SH3BP5: variants seen among roughly 807,000 people sequenced by gnomAD.
SH3BP5 encodes SH3 domain binding protein 5, also known as SH3 domain-binding protein 5.
Under a neutral mutation model 43.3 loss-of-function variants are expected in SH3BP5, and 22 were observed. That is an observed-to-expected ratio of 0.51 (90% CI 0.36 to 0.73). The LOEUF (loss-of-function observed/expected upper bound fraction) is 0.73. Among genes scored for constraint, SH3BP5 ranks in the 30% least tolerant of loss-of-function variants. The pLI is 0.00. For missense variants in SH3BP5, 529 were observed against 586.9 expected (o/e 0.90, Z 1.02); for synonymous variants, 255 against 225.8 (o/e 1.13, Z -1.16).
intron 3 of SH3BP5, among the ~76,000 whole-genome samples, chr3:15,291,404 A>G (rs1246595710): frequency 1.3e-5 from 2 of 152,200 alleles, no homozygotes; most frequent in Non-Finnish European, 2.9e-5. Context: ...TGCCAGATTT[A>G]GCAAATAAAA....
intron 3 of SH3BP5, among the ~76,000 whole-genome samples, chr3:15,291,316 C>T (rs73027506): frequency 0.13 from 20,262 of 152,044 alleles, 1,709 homozygotes; most frequent in East Asian, 0.23. Flanking sequence ...ATTCAGGAAC[C>T]CCAAGACAGG....
chr3:15,309,963 G>A (rs545222605), intron 2 of SH3BP5, among the ~76,000 whole-genome samples: 94 of 138,572 alleles, frequency 6.8e-4, no homozygotes, highest in African/African-American at 2.4e-3. Context: ...GAGGATCACA[G>A]CTACTTGGGT....
In SH3BP5 at chr3:15,269,384, G is replaced by C. The variant is rs530448112; in HGVS notation, c.495+329C>G. Among the ~76,000 whole-genome samples, 117 of 152,262 alleles carry C rather than the reference G, an allele frequency of 7.7e-4. 1 individual carries two copies. The highest frequency in any genetic ancestry group is 2.6e-4 in the Non-Finnish European group (18 of 68,022). On this transcript the variant is annotated intron_variant, in intron 4 of 8. Coordinates refer to ENST00000383791, the MANE Select transcript of SH3BP5 (RefSeq NM_004844.5). ...ATTCGAAACCCAGCCAGTATTGCTG[G>C]GGTTCCATGGGAGCAAACCCTGGAA...
chr3:15,298,055 C>A (rs986782777), intron 3 of SH3BP5, among the ~76,000 whole-genome samples: 1 of 151,176 alleles, frequency 6.6e-6, no homozygotes, highest in African/African-American at 2.4e-5. Flanking sequence ...TAACTCACTG[C>A]ACTCTGGAAC....
At chr3:15,301,443 C>A (rs1042272319) in intron 3 of SH3BP5, among the ~76,000 whole-genome samples, 1 of 152,120 alleles carries the variant, frequency 6.6e-6, no homozygotes, top group African/African-American at 2.4e-5. Flanking sequence ...AGGAGCCAAA[C>A]GAATGAAACT....
chr3:15,272,842 T>G (rs1031574319), intron 3 of SH3BP5, among the ~76,000 whole-genome samples: 1 of 152,188 alleles, frequency 6.6e-6, no homozygotes, highest in African/African-American at 2.4e-5. Flanking sequence ...GGACTCACCA[T>G]GTGGCCCTGG....
intron 2 of SH3BP5, among the ~76,000 whole-genome samples, chr3:15,323,750 C>T (rs1176512727): frequency 6.6e-6 from 1 of 152,166 alleles, no homozygotes; most frequent in Non-Finnish European, 1.5e-5. Context: ...GAGACACAAT[C>T]CCATTTTAAA....
chr3:15,256,002 C>CACA lies in SH3BP5; in HGVS notation c.*83_*84insTGT. The CACA allele has an allele frequency of 9.0e-7, 1 of 1,105,530 alleles. No individual in the cohort carries two copies. The highest frequency in any genetic ancestry group is 2.0e-5 in the Admixed American group (1 of 50,678). The allele number at this position is 1,105,530 out of a possible 1,614,324, so 68.5% of individuals were successfully genotyped here. On this transcript the variant is annotated 3_prime_UTR_variant, in exon 9 of 9. Coordinates refer to ENST00000383791, the MANE Select transcript of SH3BP5 (RefSeq NM_004844.5). ...TTTAGAGTAGACGTGTAAGATTTGG[C>CACA]ATATATTAAATGATTATTGGCACAA... is the stretch of plus-strand genomic sequence containing the variant.
chr3:15,255,962 A>ACTT lies in SH3BP5; in HGVS notation c.*121_*123dup. On this transcript the variant is annotated 3_prime_UTR_variant, in exon 9 of 9. Coordinates refer to ENST00000383791, the MANE Select transcript of SH3BP5 (RefSeq NM_004844.5). ...ATCTTTAGCCCTCAAGGTCACTGAAACTTCATTAGAGCAGTTTAGAGTAGA... is the reference window on the plus strand; with the variant it reads ...ATCTTTAGCCCTCAAGGTCACTGAAACTTCTTCATTAGAGCAGTTTAGAGTAGA... 1.2e-6 allele frequency: 1 copy of ACTT among 845,752 alleles called. No individual in the cohort carries two copies. Among genetic ancestry groups the ACTT allele is most frequent in the Non-Finnish European group, 1.9e-6 (1 of 529,518 alleles). 52.4% of individuals were successfully genotyped at this position (845,752 alleles called of 1,614,324 possible).
intron 3 of SH3BP5, among the ~76,000 whole-genome samples, chr3:15,292,951 G>GGCA (rs1697455534): frequency 6.6e-6 from 1 of 152,306 alleles, no homozygotes; most frequent in East Asian, 1.9e-4. Context: ...CAACCCTTCT[G>GGCA]GCAGAAGCCC....
chr3:15,320,605 A>AACACACACAC (rs376414934), intron 2 of SH3BP5, among the ~76,000 whole-genome samples: 7,195 of 126,884 alleles, frequency 0.057, 306 homozygotes, highest in African/African-American at 0.11. Context: ...ATCCAGCCAA[A>AACACACACAC]ACACACACAC....
At chr3:15,314,985 G>A (rs1475445417) in intron 2 of SH3BP5, among the ~76,000 whole-genome samples, 1 of 152,134 alleles carries the variant, frequency 6.6e-6, no homozygotes, top group African/African-American at 2.4e-5. Context: ...AGAGGAGGGA[G>A]AGACAGACAA....
chr3:15,257,232 G>T, intron 7 of SH3BP5, 119 bp from the exon 8 acceptor site: 1 of 1,036,648 alleles, frequency 9.6e-7, no homozygotes, highest in South Asian at 1.6e-5. Flanking sequence ...CTACCTCTGT[G>T]AGTGCCTAAT....
At chr3:15,333,373 G>T, upstream of SH3BP5, 1 of 551,498 alleles carries the variant, frequency 1.8e-6, no homozygotes, top group Non-Finnish European at 2.3e-6. Flanking sequence ...GGCTGCTCAC[G>T]TCTCCTTGCC....
rs187178327 is a variant in SH3BP5 at position 15,255,426 on chromosome 3, A to C, written c.*660T>G. On this transcript the variant is annotated 3_prime_UTR_variant, in exon 9 of 9. Coordinates refer to ENST00000383791, the MANE Select transcript of SH3BP5 (RefSeq NM_004844.5). ...GTCCCTCCTACCCTCATCCCCCCGC[A>C]TCCCCACTGGCATTCACCTTTCCCA... The C allele has an allele frequency of 6.6e-6, 1 of 152,310 alleles. No homozygotes were observed. The highest frequency in any genetic ancestry group is 1.5e-5 in the Non-Finnish European group (1 of 68,008). The allele number at this position is 152,310 out of a possible 1,614,324, so 9.4% of individuals were successfully genotyped here.
intron 2 of SH3BP5, among the ~76,000 whole-genome samples, chr3:15,330,102 C>T (rs1455625253): frequency 1.3e-5 from 2 of 152,252 alleles, no homozygotes; most frequent in Admixed American, 6.5e-5. Flanking sequence ...TCAGAGGAAA[C>T]AACACAACAC....
rs976662419 is a variant in SH3BP5, at chr3:15,259,564, CTGAA to C, written c.669+193_669+196del. 1.1e-4 allele frequency: 74 copies of C among 676,444 alleles called. No homozygotes were observed. The African/African-American group carries it at 1.3e-3, about 11-fold the overall frequency. 41.9% of individuals were successfully genotyped at this position (676,444 alleles called of 1,614,324 possible). ...TGGCCTAGTACAACAGAGAAGGTGA[CTGAA>C]TGGCAGTTACAGAGGTTCAGAGACC... On this transcript the variant is annotated intron_variant, in intron 6 of 8. Coordinates refer to ENST00000383791, the MANE Select transcript of SH3BP5 (RefSeq NM_004844.5).
At position 15,257,224 on chromosome 3, in the gene SH3BP5, A is replaced by T. The variant is rs528417122; in HGVS notation, c.890-111T>A. The T allele has an allele frequency of 1.4e-4, 160 of 1,128,778 alleles. 1 individual carries two copies. The South Asian group carries it at 2.3e-3, about 16-fold the overall frequency. The allele number at this position is 1,128,778 out of a possible 1,614,324, so 69.9% of individuals were successfully genotyped here. On this transcript the variant is annotated intron_variant, in intron 7 of 8. Coordinates refer to ENST00000383791, the MANE Select transcript of SH3BP5 (RefSeq NM_004844.5). ...CAGCATGGGGGACTAAAGAGTCTCT[A>T]CCTCTGTGAGTGCCTAATGAAGGAA...
upstream of SH3BP5, among the ~76,000 whole-genome samples, chr3:15,333,702 G>C (rs559198971): frequency 1.3e-5 from 2 of 152,160 alleles, no homozygotes; most frequent in Non-Finnish European, 2.9e-5. Flanking sequence ...GTTACTCCTT[G>C]GGCAAGGCAC....
Sources: allele counts gnomAD v4.1 joint callset (sites outside exome capture counted in the v4.1 genomes callset), GRCh38; gene constraint gnomAD v4.1.1; transcripts MANE v1.5; gene names NCBI Gene and HGNC (gene_info 2026-07-23, HGNC 2026-07-21).